The following GLIS3 variants were observed in gnomAD, a reference collection of about 807,000 sequenced individuals.
The protein encoded by GLIS3 is GLIS family zinc finger 3, also known as zinc finger protein GLIS3.
GLIS3 carries 53 observed loss-of-function variants against 78.6 expected under a neutral mutation model. The observed-to-expected ratio is 0.67, with a 90% CI of 0.54 to 0.85. The LOEUF (loss-of-function observed/expected upper bound fraction) is 0.85, where lower values mean the gene tolerates loss of function less well. Ranked by LOEUF, GLIS3 falls within the 40% of genes least tolerant of loss-of-function variation. The probability of loss-of-function intolerance (pLI) is 0.00; values close to 1 mark genes in which losing one functional copy is unlikely to be tolerated. For synonymous variants in GLIS3, 684 were observed against 509.9 expected, an observed-to-expected ratio of 1.34 and a Z score of -4.60; for missense variants, 1,703 against 1,231.1, an observed-to-expected ratio of 1.38 and a Z score of -5.74.
At chr9:3,968,672 GTAT>G in intron 4 of GLIS3, among the ~76,000 whole-genome samples, 1 of 151,794 alleles carries the variant, frequency 6.6e-6, no homozygotes. Context: ...TTAATTTAAA[GTAT>G]TATATCCAGG....
intron 2 of GLIS3, among the ~76,000 whole-genome samples, chr9:4,267,325 G>C (rs979248377): frequency 2.0e-5 from 3 of 152,144 alleles, no homozygotes; most frequent in Admixed American, 1.3e-4. Flanking sequence ...ATTGAGAGTA[G>C]ACAGCCCTTG....
At chr9:3,965,688 C>T (rs60774561) in intron 4 of GLIS3, among the ~76,000 whole-genome samples, 22,719 of 152,074 alleles carry the variant, frequency 0.15, 2,380 homozygotes, top group East Asian at 0.47. Flanking sequence ...CTTCCAAACC[C>T]CGCTATGTTC....
At chr9:4,219,288 C>A (rs543699712) in intron 2 of GLIS3, among the ~76,000 whole-genome samples, 48 of 152,358 alleles carry the variant, frequency 3.2e-4, no homozygotes, top group African/African-American at 5.5e-4. Context: ...GGTCTTCAAA[C>A]AATCTTAGCA....
intron 2 of GLIS3, among the ~76,000 whole-genome samples, chr9:4,345,180 G>A (rs1250434141): frequency 2.6e-5 from 4 of 152,052 alleles, no homozygotes; most frequent in Non-Finnish European, 5.9e-5. Flanking sequence ...CTGCCACTGG[G>A]CCCCTGCGTT....
At chr9:4,245,014 G>A (rs962290237) in intron 2 of GLIS3, among the ~76,000 whole-genome samples, 2 of 152,168 alleles carry the variant, frequency 1.3e-5, no homozygotes, top group Admixed American at 6.5e-5. Flanking sequence ...TAGACCCCAA[G>A]AAGATCCTTA....
At chr9:4,108,421 A>C (rs1564060346) in intron 4 of GLIS3, among the ~76,000 whole-genome samples, 1 of 152,216 alleles carries the variant, frequency 6.6e-6, no homozygotes, top group Non-Finnish European at 1.5e-5. Flanking sequence ...TGAGGGAAGA[A>C]GGTAGTAGGG....
At chr9:4,085,311 G>C (rs568767976) in intron 4 of GLIS3, among the ~76,000 whole-genome samples, 8 of 151,628 alleles carry the variant, frequency 5.3e-5, no homozygotes, top group African/African-American at 1.9e-4. Context: ...ATTTTCTAAG[G>C]GTTCTTTTTT....
At chr9:3,869,936 C>T (rs138970094) in intron 8 of GLIS3, among the ~76,000 whole-genome samples, 10 of 152,144 alleles carry the variant, frequency 6.6e-5, no homozygotes, top group Non-Finnish European at 8.8e-5. Context: ...CTTCCTGCAT[C>T]GAGAACTAAA....
At chr9:4,385,690 G>C in the GLIS3 span, among the ~76,000 whole-genome samples, 1 of 98,056 alleles carries the variant, frequency 1.0e-5, no homozygotes, top group African/African-American at 4.8e-5. Flanking sequence ...AAAGAAAAAA[G>C]AAAGAAAGAA....
In GLIS3 at chr9:4,335,023, C is replaced by G. The variant is rs1038002561; in HGVS notation, n.264+12058G>C. 4.6e-5 allele frequency among the ~76,000 whole-genome samples: 7 copies of G among 151,506 alleles called. 1 individual carries two copies. Among genetic ancestry groups the G allele is most frequent in the Middle Eastern group, 3.4e-3 (1 of 294 alleles). On this transcript the variant is annotated intron_variant and non_coding_transcript_variant, in intron 2 of 4. Coordinates refer to the GLIS3 transcript ENST00000471664. ...TCCCGGGTTCATGCCATTCTCCTGCCTCAGCCTCCCGAGTAGCTGGGACTA... is the reference window on the plus strand; with the variant it reads ...TCCCGGGTTCATGCCATTCTCCTGCGTCAGCCTCCCGAGTAGCTGGGACTA...
intron 4 of GLIS3, among the ~76,000 whole-genome samples, chr9:3,953,793 CTCTATATA>C (rs780673393): frequency 0.11 from 5,025 of 45,848 alleles, 75 homozygotes; most frequent in Non-Finnish European, 0.13. Context: ...CTCTCTCTCT[CTCTATATA>C]TATATATATA....
chr9:3,860,537 A>T (rs1354141438), intron 8 of GLIS3, among the ~76,000 whole-genome samples: 1 of 152,056 alleles, frequency 6.6e-6, no homozygotes, highest in African/African-American at 2.4e-5. Flanking sequence ...GTAGCTCCCA[A>T]CTGAGACACG....
chr9:4,143,910 T>C (rs1834009107), intron 2 of GLIS3, among the ~76,000 whole-genome samples: 1 of 152,210 alleles, frequency 6.6e-6, no homozygotes, highest in Non-Finnish European at 1.5e-5. Context: ...TGAAAGAGAT[T>C]TTCCACCATC....
the GLIS3 span, among the ~76,000 whole-genome samples, chr9:4,415,874 T>C: frequency 1.3e-5 from 2 of 151,790 alleles, no homozygotes; most frequent in African/African-American, 4.8e-5. Flanking sequence ...TTCAGAAGGG[T>C]ATAAAATAAA....
intron 4 of GLIS3, among the ~76,000 whole-genome samples, chr9:3,979,144 C>A (rs981005730): frequency 6.6e-6 from 1 of 152,160 alleles, no homozygotes; most frequent in African/African-American, 2.4e-5. Context: ...GAATATGTTT[C>A]TTAGAAGCAT....
intron 4 of GLIS3, among the ~76,000 whole-genome samples, chr9:3,940,122 A>C (rs1404775978): frequency 6.6e-6 from 1 of 152,210 alleles, no homozygotes; most frequent in Non-Finnish European, 1.5e-5. Flanking sequence ...CCCCTCCCTC[A>C]GGCAGTTTTA....
At chr9:4,348,300 G>A (rs548669924) in exon 1 of GLIS3, 5 of 152,150 alleles carry the variant, frequency 3.3e-5, no homozygotes, top group Non-Finnish European at 7.3e-5. Flanking sequence ...GAGGACCAAG[G>A]TTTCTTTCCT....
intron 2 of GLIS3, among the ~76,000 whole-genome samples, chr9:4,324,441 ATTGTT>A (rs1311241296): frequency 1.3e-5 from 2 of 152,204 alleles, no homozygotes; most frequent in African/African-American, 2.4e-5. Flanking sequence ...ACCTCACGGG[ATTGTT>A]TTGAGAACCA....
intron 6 of GLIS3, among the ~76,000 whole-genome samples, chr9:3,907,036 G>T (rs1823753320): frequency 6.6e-6 from 1 of 151,854 alleles, no homozygotes; most frequent in South Asian, 2.1e-4. Flanking sequence ...GGCCTCTCAG[G>T]GTACAAGAAG....
Sources: allele counts gnomAD v4.1 joint callset (sites outside exome capture counted in the v4.1 genomes callset), GRCh38; gene constraint gnomAD v4.1.1; transcripts MANE v1.5; gene names NCBI Gene and HGNC (gene_info 2026-07-23, HGNC 2026-07-21).